Variants in LINGO2 observed in about 807,000 individuals in gnomAD.
LINGO2 encodes leucine-rich repeat and immunoglobulin-like domain-containing nogo receptor-interacting protein 2.
A neutral mutation model predicts 30.6 loss-of-function variants in LINGO2; 14 were observed. The ratio of observed to expected loss-of-function variants is 0.46; its 90% CI spans 0.30 to 0.72. The LOEUF (loss-of-function observed/expected upper bound fraction) is 0.72. LINGO2 is among the 30% of genes least tolerant of loss of function. The pLI is 0.07. For missense variants in LINGO2, 729 were observed against 751.7 expected (o/e 0.97, Z 0.35); for synonymous variants, 317 against 288.5 (o/e 1.10, Z -1.00).
At chr9:28,837,105 C>CTGTTCTTTTCTATCCTGTGTG in the LINGO2 span, among the ~76,000 whole-genome samples, 1 of 152,170 alleles carries the variant, frequency 6.6e-6, no homozygotes, top group Non-Finnish European at 1.5e-5. Flanking sequence ...ATATATCCCT[C>CTGTTCTTTTCTATCCTGTGTG]TGTTCTTTTC....
the LINGO2 span, among the ~76,000 whole-genome samples, chr9:29,034,335 A>C: frequency 6.6e-6 from 1 of 152,160 alleles, no homozygotes; most frequent in Non-Finnish European, 1.5e-5. Flanking sequence ...TCATAATATT[A>C]TATGGCATAA....
chr9:27,959,601 C>T (rs910219749), intron 5 of LINGO2, among the ~76,000 whole-genome samples: 4 of 152,204 alleles, frequency 2.6e-5, no homozygotes, highest in African/African-American at 7.2e-5. Context: ...CTAAATATAT[C>T]ATTTCTAATT....
At chr9:28,013,238 TTTTTC>T (rs1418421295) in intron 4 of LINGO2, among the ~76,000 whole-genome samples, 6 of 152,208 alleles carry the variant, frequency 3.9e-5, no homozygotes, top group Non-Finnish European at 8.8e-5. Flanking sequence ...TTTGTATTTC[TTTTTC>T]TTCTCCTTTA....
At chr9:28,355,581 T>G (rs1207227335) in intron 3 of LINGO2, among the ~76,000 whole-genome samples, 1 of 152,106 alleles carries the variant, frequency 6.6e-6, no homozygotes, top group African/African-American at 2.4e-5. Flanking sequence ...AAGGTGGGTC[T>G]GCAAATAATA....
chr9:28,120,188 T>C (rs1010491477), intron 4 of LINGO2, among the ~76,000 whole-genome samples: 1 of 152,172 alleles, frequency 6.6e-6, no homozygotes, highest in Non-Finnish European at 1.5e-5. Flanking sequence ...TCGGCTGCTA[T>C]CCCAGGCACA....
At chr9:29,018,333 G>A in the LINGO2 span, among the ~76,000 whole-genome samples, 2 of 151,744 alleles carry the variant, frequency 1.3e-5, no homozygotes, top group African/African-American at 4.8e-5. Flanking sequence ...AGCATGGGCT[G>A]TAAAAACACC....
the LINGO2 span, among the ~76,000 whole-genome samples, chr9:28,675,905 G>GTGTA: frequency 7.9e-6 from 1 of 126,064 alleles, no homozygotes; most frequent in Non-Finnish European, 1.7e-5. Context: ...GTGTGTGTAT[G>GTGTA]TATATATATA....
chr9:28,504,286 C>T (rs1342395200), intron 1 of LINGO2, among the ~76,000 whole-genome samples: 3 of 151,828 alleles, frequency 2.0e-5, no homozygotes, highest in African/African-American at 7.2e-5. Context: ...ATTTAAAACA[C>T]TGTGCTAAAT....
intron 1 of LINGO2, among the ~76,000 whole-genome samples, chr9:28,656,975 A>T (rs1328840908): frequency 2.0e-5 from 3 of 152,104 alleles, no homozygotes; most frequent in African/African-American, 7.2e-5. Context: ...TGAGTTCTCC[A>T]AACAGCAGCT....
intron 1 of LINGO2, among the ~76,000 whole-genome samples, chr9:28,518,900 T>G (rs191630454): frequency 1.3e-5 from 2 of 152,226 alleles, no homozygotes; most frequent in Non-Finnish European, 2.9e-5. Context: ...GTTTTGACTA[T>G]TCTACTGGCC....
the LINGO2 span, among the ~76,000 whole-genome samples, chr9:29,088,405 A>T: frequency 6.6e-6 from 1 of 152,274 alleles, no homozygotes; most frequent in African/African-American, 2.4e-5. Context: ...GTCGACTCTG[A>T]GTAAACCATA....
chr9:28,648,252 A>G (rs796857500), intron 1 of LINGO2, among the ~76,000 whole-genome samples: 7 of 152,292 alleles, frequency 4.6e-5, no homozygotes, highest in African/African-American at 1.7e-4. Flanking sequence ...ACTCAGAATT[A>G]TGCTTCTCTA....
At chr9:29,005,651 C>T in the LINGO2 span, among the ~76,000 whole-genome samples, 1 of 152,000 alleles carries the variant, frequency 6.6e-6, no homozygotes, top group Non-Finnish European at 1.5e-5. Context: ...CCCATGTATA[C>T]CAAAATTCAT....
At chr9:28,088,320 A>T (rs1365438585) in intron 4 of LINGO2, among the ~76,000 whole-genome samples, 1 of 152,030 alleles carries the variant, frequency 6.6e-6, no homozygotes, top group Non-Finnish European at 1.5e-5. Context: ...AAGGCAACAC[A>T]TTGGACCTGC....
exon 6 of LINGO2, chr9:27,948,991 G>T (rs912014858): frequency 2.5e-6 from 4 of 1,613,738 alleles, no homozygotes; most frequent in Non-Finnish European, 2.5e-6. Flanking sequence ...AAAAGGAGAA[G>T]AAAACAAAAT....
chr9:28,733,009 T>G, the LINGO2 span, among the ~76,000 whole-genome samples: 1 of 152,184 alleles, frequency 6.6e-6, no homozygotes, highest in Non-Finnish European at 1.5e-5. Flanking sequence ...CTCTCATCCA[T>G]CTGTATACTC....
the LINGO2 span, among the ~76,000 whole-genome samples, chr9:28,695,761 AAAG>A: frequency 2.6e-5 from 4 of 151,784 alleles, no homozygotes; most frequent in Non-Finnish European, 5.9e-5. Flanking sequence ...AAAAAAAAAA[AAAG>A]AAGAATGAGA....
At chr9:28,644,217 C>T (rs1358351031) in intron 1 of LINGO2, among the ~76,000 whole-genome samples, 3 of 151,872 alleles carry the variant, frequency 2.0e-5, no homozygotes, top group African/African-American at 2.4e-5. Flanking sequence ...AAAAGGAAAT[C>T]AGTATATCGA....
At chr9:28,557,911 C>A (rs1822821900) in intron 1 of LINGO2, among the ~76,000 whole-genome samples, 1 of 149,590 alleles carries the variant, frequency 6.7e-6, no homozygotes, top group South Asian at 2.1e-4. Flanking sequence ...AAACCAAACA[C>A]CACGTATTCT....
Sources: allele counts gnomAD v4.1 joint callset (sites outside exome capture counted in the v4.1 genomes callset), GRCh38; gene constraint gnomAD v4.1.1; transcripts MANE v1.5; gene names NCBI Gene and HGNC (gene_info 2026-07-23, HGNC 2026-07-21).